Variants in EBF3 observed in about 807,000 individuals in gnomAD.
EBF3 encodes EBF transcription factor 3.
Under a neutral mutation model 77.1 loss-of-function variants are expected in EBF3, and 18 were observed. The ratio of observed to expected loss-of-function variants is 0.23; its 90% CI spans 0.16 to 0.35. The LOEUF is 0.35. Among genes scored for constraint, EBF3 ranks in the 10% least tolerant of loss-of-function variants. The probability of loss-of-function intolerance (pLI) is 1.00; values close to 1 mark genes in which losing one functional copy is unlikely to be tolerated. For synonymous variants in EBF3, 350 were observed against 343.5 expected, an observed-to-expected ratio of 1.02 and a Z score of -0.21; for missense variants, 558 against 860.0, an observed-to-expected ratio of 0.65 and a Z score of 4.39.
In EBF3 at chr10:129,843,209, G is replaced by C. The variant is rs1458112534; in HGVS notation, c.1129-7C>G. On this transcript the variant is annotated splice_polypyrimidine_tract_variant and splice_region_variant and intron_variant, in intron 11 of 16. Transcript: ENST00000440978. Reference sequence around the variant, plus strand: ...CCCGCTTCAGTAACACCTCCTAAAGGAAGAGCAGACAGGAGGTGATTCATG... The same window carrying C: ...CCCGCTTCAGTAACACCTCCTAAAGCAAGAGCAGACAGGAGGTGATTCATG... 5.6e-6 allele frequency: 9 copies of C among 1,609,284 alleles called. No homozygotes were observed. Among genetic ancestry groups the C allele is most frequent in the Admixed American group, 3.4e-5 (2 of 59,382 alleles).
intron 6 of EBF3, among the ~76,000 whole-genome samples, chr10:129,893,086 T>C (rs1046593702): frequency 6.6e-6 from 1 of 152,230 alleles, no homozygotes; most frequent in Non-Finnish European, 1.5e-5. Context: ...TGACAATAAT[T>C]GATTGTGATT....
intron 10 of EBF3, among the ~76,000 whole-genome samples, chr10:129,858,745 T>C (rs1300009312): frequency 3.3e-5 from 5 of 152,144 alleles, no homozygotes; most frequent in Non-Finnish European, 7.3e-5. Flanking sequence ...CTCAGATGCC[T>C]AGAGTGCGGG....
At position 129,841,166 on chromosome 10, in the gene EBF3, G is replaced by C; in HGVS notation, c.1373-134C>G. Reference sequence around the variant, plus strand: ...GTGCTTTCCACCTGCTCTAGCGCCTGCTGCCAGCTCGGATGACCTTATCAC... The same window carrying C: ...GTGCTTTCCACCTGCTCTAGCGCCTCCTGCCAGCTCGGATGACCTTATCAC... On this transcript the variant is annotated intron_variant, in intron 13 of 16. Transcript: ENST00000440978. This position sits in a 1 kb window ranked among gnomAD's most constrained non-coding sequence, Gnocchi z 4.6. 3 of 1,216,254 alleles carry C rather than the reference G, an allele frequency of 2.5e-6. No homozygotes were observed. The highest frequency in any genetic ancestry group is 3.4e-6 in the Non-Finnish European group (3 of 891,028). 75.3% of individuals were successfully genotyped at this position (1,216,254 alleles called of 1,614,324 possible).
chr10:129,927,541 T>C (rs10829660), intron 6 of EBF3, among the ~76,000 whole-genome samples: 104,697 of 152,014 alleles, frequency 0.69, 36,189 homozygotes, highest in East Asian at 0.79. Flanking sequence ...GGTGGCTGCT[T>C]AGCCTGCAAA....
chr10:129,863,503 T>A lies in EBF3; in HGVS notation c.1039+3638A>T, dbSNP rs1175950863. Among the ~76,000 whole-genome samples the A allele has an allele frequency of 6.6e-6, 1 of 152,204 alleles. No individual in the cohort carries two copies. Among genetic ancestry groups the A allele is most frequent in the Non-Finnish European group, 1.5e-5 (1 of 68,038 alleles). ...GCCCTTTGCAAAGCCCCTCCCAGCC[T>A]CTGGCGGGCGGCCCCTCCTCTGAGC... is the stretch of plus-strand genomic sequence containing the variant. On this transcript the variant is annotated intron_variant, in intron 10 of 16. Transcript: ENST00000440978. The surrounding 1 kb of genome is among the most constrained non-coding windows in gnomAD (Gnocchi z 4.0).
chr10:129,841,103 A>G lies in EBF3; in HGVS notation c.1373-71T>C. On this transcript the variant is annotated intron_variant, in intron 13 of 16. Coordinates refer to ENST00000440978, the MANE Select transcript of EBF3 (RefSeq NM_001375380.1). This position sits in a 1 kb window ranked among gnomAD's most constrained non-coding sequence, Gnocchi z 4.6. ...ACAGACACTTGGGGGGGGTTCCCCG[A>G]GAATCTATATCATATATTAACATTG... 6.4e-7 allele frequency: 1 copy of G among 1,563,978 alleles called. No homozygotes were observed. The highest frequency in any genetic ancestry group is 2.3e-5 in the East Asian group (1 of 44,362).
intron 6 of EBF3, among the ~76,000 whole-genome samples, chr10:129,934,215 C>T (rs1320641089): frequency 6.6e-6 from 1 of 151,768 alleles, no homozygotes; most frequent in African/African-American, 2.4e-5. Flanking sequence ...TGCCTGAAGA[C>T]ATGCCCCTCC....
intron 6 of EBF3, among the ~76,000 whole-genome samples, chr10:129,890,883 G>C (rs1488015507): frequency 6.6e-6 from 1 of 152,170 alleles, no homozygotes. Flanking sequence ...TCAATTTGTT[G>C]TGAGACCGCG....
Position 129,963,237 on chromosome 10 carries a change from G to T in EBF3, c.291+130C>A. 1 of 1,335,386 alleles carries T rather than the reference G, an allele frequency of 7.5e-7. No homozygotes were observed. Among genetic ancestry groups the T allele is most frequent in the Non-Finnish European group, 9.8e-7 (1 of 1,019,476 alleles). 82.7% of individuals were successfully genotyped at this position (1,335,386 alleles called of 1,614,324 possible). On this transcript the variant is annotated intron_variant, in intron 2 of 16. Transcript: ENST00000440978. The surrounding 1 kb of genome is among the most constrained non-coding windows in gnomAD (Gnocchi z 7.1). ...CCTCGGCGGTCCCGGGCGGCCGCAC[G>T]TGGCGGCGGCGGGGTGGCCTGGCGG...
Position 129,867,163 on chromosome 10 carries a change from A to G in EBF3, c.1017T>C (p.Ala339=). ...CACCGGTGTAGACAAAGCGCCCAGG[A>G]GCACCTTTGCAGAACTGCTTGGATT... is the stretch of plus-strand genomic sequence containing the variant. The part of the protein sequence containing the change: ...SYKSKQFCKG[A]PGRFVYTALN... Residue 339 remains alanine (A), a synonymous_variant, in exon 10 of 17, where the codon GCT becomes GCC. Coordinates refer to ENST00000440978, the MANE Select transcript of EBF3 (RefSeq NM_001375380.1). 1 of 1,613,922 alleles carries G rather than the reference A, an allele frequency of 6.2e-7. No individual in the cohort carries two copies. The highest frequency in any genetic ancestry group is 8.5e-7 in the Non-Finnish European group (1 of 1,179,964).
At chr10:129,939,640 G>A (rs1202393525) in intron 6 of EBF3, among the ~76,000 whole-genome samples, 1 of 152,120 alleles carries the variant, frequency 6.6e-6, no homozygotes, top group East Asian at 1.9e-4. Context: ...ATGCCACCCC[G>A]GGGCCATCAT....
rs550661624 is a variant in EBF3 at position 129,897,752 on chromosome 10, T to C, written c.555-19903A>G. 6.6e-6 allele frequency among the ~76,000 whole-genome samples: 1 copy of C among 152,310 alleles called. No homozygotes were observed. Among genetic ancestry groups the C allele is most frequent in the African/African-American group, 2.4e-5 (1 of 41,568 alleles). On this transcript the variant is annotated intron_variant, in intron 6 of 16. Coordinates refer to ENST00000440978, the MANE Select transcript of EBF3 (RefSeq NM_001375380.1). This position sits in a 1 kb window ranked among gnomAD's most constrained non-coding sequence, Gnocchi z 4.6. ...AGCCCAAATGTCAAAGCCTGAATAT[T>C]TTCCCCAGTTTCTTGAAATGACATC... is the stretch of plus-strand genomic sequence containing the variant.
chr10:129,963,209 A>G lies in EBF3; in HGVS notation c.291+158T>C. On this transcript the variant is annotated intron_variant, in intron 2 of 16. Coordinates refer to ENST00000440978, the MANE Select transcript of EBF3 (RefSeq NM_001375380.1). This position sits in a 1 kb window ranked among gnomAD's most constrained non-coding sequence, Gnocchi z 7.1. ...GTCCGAGGGCGCAGAGAAGTTGCCCAGCCCTCGGCGGTCCCGGGCGGCCGC... is the reference window on the plus strand; with the variant it reads ...GTCCGAGGGCGCAGAGAAGTTGCCCGGCCCTCGGCGGTCCCGGGCGGCCGC... 1.2e-5 allele frequency: 14 copies of G among 1,204,132 alleles called. No homozygotes were observed. Among genetic ancestry groups the G allele is most frequent in the Non-Finnish European group, 1.6e-5 (14 of 901,602 alleles). 74.6% of individuals were successfully genotyped at this position (1,204,132 alleles called of 1,614,324 possible).
At chr10:129,887,472 T>C (rs954002326) in intron 6 of EBF3, among the ~76,000 whole-genome samples, 3 of 152,236 alleles carry the variant, frequency 2.0e-5, no homozygotes, top group Non-Finnish European at 4.4e-5. Flanking sequence ...GCAACCTTTC[T>C]GCCTGGCTAA....
chr10:129,956,871 T>G (rs1466072811), intron 6 of EBF3, among the ~76,000 whole-genome samples: 1 of 152,150 alleles, frequency 6.6e-6, no homozygotes, highest in Non-Finnish European at 1.5e-5. Context: ...ATCACCCAAG[T>G]CTCAACTTCA....
chr10:129,913,977 C>G (rs1855698470), intron 6 of EBF3, among the ~76,000 whole-genome samples: 2 of 152,250 alleles, frequency 1.3e-5, no homozygotes, highest in Non-Finnish European at 2.9e-5. Context: ...ACCATGGTCT[C>G]TCGTCCTACC....
At chr10:129,911,099 G>A (rs935335211) in intron 6 of EBF3, among the ~76,000 whole-genome samples, 4 of 152,202 alleles carry the variant, frequency 2.6e-5, no homozygotes, top group African/African-American at 9.7e-5. Flanking sequence ...TGGAGAACGG[G>A]GTCATTCCTT....
intron 4 of EBF3, among the ~76,000 whole-genome samples, chr10:129,959,767 G>A (rs1227255941): frequency 6.6e-6 from 1 of 151,794 alleles, no homozygotes; most frequent in Non-Finnish European, 1.5e-5. Flanking sequence ...GCAACCGCAC[G>A]TGGGCCGCGG....
intron 6 of EBF3, among the ~76,000 whole-genome samples, chr10:129,924,432 A>ACAAC (rs199747510): frequency 8.1e-6 from 1 of 123,112 alleles, no homozygotes; most frequent in African/African-American, 3.3e-5. Context: ...AACAACAACA[A>ACAAC]AAAAAAAAAA....
Sources: allele counts gnomAD v4.1 joint callset (sites outside exome capture counted in the v4.1 genomes callset), GRCh38; gene constraint gnomAD v4.1.1; non-coding constraint Gnocchi (gnomAD v3.1); transcripts MANE v1.5; gene names NCBI Gene and HGNC (gene_info 2026-07-23, HGNC 2026-07-21).